Variants in FOXP2 observed in about 807,000 individuals in gnomAD.
The protein encoded by FOXP2 is forkhead box protein P2.
In FOXP2, 12 loss-of-function variants were observed where a neutral mutation model predicts 115.8. That is an observed-to-expected ratio of 0.10 (90% CI 0.07 to 0.17). The LOEUF (loss-of-function observed/expected upper bound fraction) is 0.17, where lower values mean the gene tolerates loss of function less well. Among genes scored for constraint, FOXP2 ranks in the 10% least tolerant of loss-of-function variants. The pLI, the probability that FOXP2 is intolerant of heterozygous loss-of-function variation, is 1.00. For synonymous variants in FOXP2, 328 were observed against 297.7 expected (o/e 1.10, Z -1.05); for missense variants, 629 against 843.5 (o/e 0.75, Z 3.15).
chr7:114,261,533 T>C (rs1164022080), intron 1 of FOXP2, among the ~76,000 whole-genome samples: 1 of 152,224 alleles, frequency 6.6e-6, no homozygotes, highest in Non-Finnish European at 1.5e-5. Context: ...CTAATTCAAC[T>C]GTCTTTAGAG....
At chr7:114,277,484 T>C (rs1209254) in intron 1 of FOXP2, among the ~76,000 whole-genome samples, 97,683 of 151,712 alleles carry the variant, frequency 0.64, 32,327 homozygotes, top group Middle Eastern at 0.82. Context: ...CTACGTGATT[T>C]TTTATAAATA....
In FOXP2 at chr7:114,283,548, TTTATTAA is replaced by T. The variant is rs553691359; in HGVS notation, c.-101-4467_-101-4461del. On this transcript the variant is annotated intron_variant, in intron 1 of 17. Transcript: ENST00000634411. ...ATTTCTTTTAGGATTCATCTTCATT[TTTATTAA>T]TTAGAAGACAATAGAGTAGAAAATA... Among the ~76,000 whole-genome samples the T allele has an allele frequency of 2.8e-4, 42 of 152,278 alleles. 1 individual carries two copies. In the East Asian group the frequency reaches 7.7e-3, roughly 28 times the overall value.
intron 3 of FOXP2, among the ~76,000 whole-genome samples, chr7:114,613,279 C>T (rs1232577344): frequency 6.6e-6 from 1 of 152,106 alleles, no homozygotes; most frequent in African/African-American, 2.4e-5. Context: ...CTAGAGACAA[C>T]CAATATTATC....
intron 16 of FOXP2, among the ~76,000 whole-genome samples, chr7:114,673,319 G>T (rs1807594048): frequency 6.6e-6 from 1 of 152,160 alleles, no homozygotes; most frequent in South Asian, 2.1e-4. Flanking sequence ...ACTAATTTGT[G>T]TCTGAGATTG....
chr7:114,155,680 A>C (rs909914972), intron 1 of FOXP2, among the ~76,000 whole-genome samples: 1 of 152,156 alleles, frequency 6.6e-6, no homozygotes, highest in South Asian at 2.1e-4. Flanking sequence ...ATGGGTCTGC[A>C]ACAACCTCAG....
In FOXP2 at chr7:114,246,400, A is replaced by G. The variant is rs559967669; in HGVS notation, c.-101-41619A>G. Among the ~76,000 whole-genome samples, 5 of 152,232 alleles carry G rather than the reference A, an allele frequency of 3.3e-5. No individual in the cohort carries two copies. In the East Asian group the frequency reaches 9.6e-4, roughly 29 times the overall value. On this transcript the variant is annotated intron_variant, in intron 1 of 17. Coordinates refer to the FOXP2 transcript ENST00000634411. Reference sequence around the variant, plus strand: ...GACCCCCAAAATTTAAAGCAGATCTAGAGTCTTTTTTAGTTGCAACTTTTA... The same window carrying G: ...GACCCCCAAAATTTAAAGCAGATCTGGAGTCTTTTTTAGTTGCAACTTTTA...
At chr7:114,163,859 A>C (rs1792901766) in intron 1 of FOXP2, among the ~76,000 whole-genome samples, 1 of 152,214 alleles carries the variant, frequency 6.6e-6, no homozygotes, top group Non-Finnish European at 1.5e-5. Flanking sequence ...ATACTGGTTT[A>C]ACTGCCAGAA....
intron 2 of FOXP2, among the ~76,000 whole-genome samples, chr7:114,289,987 T>C (rs768062854): frequency 1.3e-5 from 2 of 151,986 alleles, no homozygotes; most frequent in Non-Finnish European, 2.9e-5. Flanking sequence ...GTTTGCATCC[T>C]TGTTGCTATT....
chr7:114,340,819 A>G (rs1791184566), intron 2 of FOXP2, among the ~76,000 whole-genome samples: 2 of 151,190 alleles, frequency 1.3e-5, no homozygotes, highest in South Asian at 4.1e-4. Context: ...TTATTCTTGT[A>G]AAAATCAGTG....
Position 114,637,492 on chromosome 7 carries a change from G to A in FOXP2, c.776-4918G>A, listed in dbSNP as rs145435525. Among the ~76,000 whole-genome samples the A allele has an allele frequency of 2.4e-3, 364 of 152,218 alleles. 3 individuals carry two copies. The highest frequency in any genetic ancestry group is 8.4e-3 in the African/African-American group (349 of 41,544). ...TCTAGTCCACAGATTCCCAGAGTAT[G>A]TTTGCCAGTACACGAGTGTTCTGGC... On this transcript the variant is annotated intron_variant, in intron 6 of 16. Coordinates refer to ENST00000350908, the MANE Select transcript of FOXP2 (RefSeq NM_014491.4).
chr7:114,345,105 G>A (rs926773417), intron 2 of FOXP2, among the ~76,000 whole-genome samples: 2 of 151,726 alleles, frequency 1.3e-5, no homozygotes, highest in Non-Finnish European at 2.9e-5. Context: ...TTAACAAATA[G>A]GGATACTGAA....
chr7:114,291,770 G>A (rs1220724540), intron 2 of FOXP2, among the ~76,000 whole-genome samples: 1 of 149,312 alleles, frequency 6.7e-6, no homozygotes, highest in African/African-American at 2.5e-5. Context: ...ACAAATAGCA[G>A]TCTTGCTACT....
At chr7:114,499,875 G>T (rs978018441) in intron 2 of FOXP2, 2 of 152,030 alleles carry the variant, frequency 1.3e-5, no homozygotes, top group African/African-American at 4.8e-5. Flanking sequence ...CCAGGAAATA[G>T]AATTCAAAAG....
intron 16 of FOXP2, among the ~76,000 whole-genome samples, chr7:114,686,660 T>G (rs929890336): frequency 6.6e-6 from 1 of 152,170 alleles, no homozygotes; most frequent in African/African-American, 2.4e-5. Context: ...GGTAAACATT[T>G]TGTTTGTTTT....
chr7:114,119,805 C>T (rs771240422), intron 1 of FOXP2, among the ~76,000 whole-genome samples: 7 of 152,086 alleles, frequency 4.6e-5, no homozygotes, highest in Admixed American at 1.3e-4. Flanking sequence ...TCATCTTTAT[C>T]GGAGCTTTTA....
In FOXP2 at chr7:114,619,335, G is replaced by A. The variant is rs566936286; in HGVS notation, c.259-9205G>A. Among the ~76,000 whole-genome samples, 5 of 152,178 alleles carry A rather than the reference G, an allele frequency of 3.3e-5. No homozygotes were observed. The South Asian group carries it at 1.0e-3, about 32-fold the overall frequency. Reference sequence around the variant, plus strand: ...AAACGGGCATATTTTCAATCCGTAAGTCCAGTGTTATCACTCAGATCTCAT... The same window carrying A: ...AAACGGGCATATTTTCAATCCGTAAATCCAGTGTTATCACTCAGATCTCAT... On this transcript the variant is annotated intron_variant, in intron 3 of 16. Coordinates refer to ENST00000350908, the MANE Select transcript of FOXP2 (RefSeq NM_014491.4).
At chr7:114,416,230 A>T (rs1793335417) in intron 1 of FOXP2, 1 of 152,004 alleles carries the variant, frequency 6.6e-6, no homozygotes, top group African/African-American at 2.4e-5. Context: ...GTCAAGAGAG[A>T]CATTTTTAAT....
At position 114,228,383 on chromosome 7, in the gene FOXP2, T is replaced by C. The variant is rs562107078; in HGVS notation, c.-101-59636T>C. Among the ~76,000 whole-genome samples, 6 of 152,142 alleles carry C rather than the reference T, an allele frequency of 3.9e-5. No individual in the cohort carries two copies. In the East Asian group the frequency reaches 1.2e-3, roughly 29 times the overall value. On this transcript the variant is annotated intron_variant, in intron 1 of 17. Coordinates refer to the FOXP2 transcript ENST00000634411. Reference sequence around the variant, plus strand: ...CTTTATTAGCTTTTCATGTATCTTTTAGTTTCAAGAGCTGAAAGAAGACAG... The same window carrying C: ...CTTTATTAGCTTTTCATGTATCTTTCAGTTTCAAGAGCTGAAAGAAGACAG...
At chr7:114,548,769 G>A (rs1355467467) in intron 3 of FOXP2, among the ~76,000 whole-genome samples, 1 of 152,196 alleles carries the variant, frequency 6.6e-6, no homozygotes, top group Non-Finnish European at 1.5e-5. Flanking sequence ...CAGTGCTGAT[G>A]AGGGATTCTG....
Sources: gnomAD v4.1 joint callset for allele counts (sites outside exome capture counted in the v4.1 genomes callset) on GRCh38, gnomAD v4.1.1 for gene constraint, MANE v1.5 for transcripts, NCBI Gene and HGNC (gene_info 2026-07-23, HGNC 2026-07-21) for gene names.